The following PCGF3 variants were observed in gnomAD, a reference collection of about 807,000 sequenced individuals.
PCGF3 encodes the protein polycomb group ring finger 3.
A neutral mutation model predicts 33.1 loss-of-function variants in PCGF3; 7 were observed. That is an observed-to-expected ratio of 0.21 (90% CI 0.12 to 0.40). The LOEUF (loss-of-function observed/expected upper bound fraction) is 0.40, where lower values mean the gene tolerates loss of function less well. Among genes scored for constraint, PCGF3 ranks in the 10% least tolerant of loss-of-function variants. The pLI is 1.00. For synonymous variants in PCGF3, 153 were observed against 121.3 expected (o/e 1.26, Z -1.72); for missense variants, 211 against 313.3 (o/e 0.67, Z 2.46).
intron 1 of PCGF3, among the ~76,000 whole-genome samples, chr4:718,394 C>T (rs1331969631): frequency 6.6e-6 from 1 of 152,146 alleles, no homozygotes; most frequent in African/African-American, 2.4e-5. Context: ...CTGAGCTACA[C>T]TCTGAGGCTG....
At position 751,354 on chromosome 4, in the gene PCGF3, G is replaced by C. The variant is rs190217592; in HGVS notation, c.462+6666G>C. 9.6e-4 allele frequency among the ~76,000 whole-genome samples: 146 copies of C among 152,164 alleles called. 1 individual carries two copies. The highest frequency in any genetic ancestry group is 1.9e-3 in the Admixed American group (29 of 15,284). On this transcript the variant is annotated intron_variant, in intron 8 of 10. Transcript: ENST00000362003. Reference sequence around the variant, plus strand: ...CTTCATCTTACTGAAGTTTTGATGCGACGTTATAGTTATTTAGGCTTAACG... The same window carrying C: ...CTTCATCTTACTGAAGTTTTGATGCCACGTTATAGTTATTTAGGCTTAACG...
At chr4:712,806 C>CT (rs1457295519) in intron 1 of PCGF3, among the ~76,000 whole-genome samples, 3 of 152,186 alleles carry the variant, frequency 2.0e-5, no homozygotes, top group Non-Finnish European at 4.4e-5. Context: ...TTTCTTTTTT[C>CT]TTTTTTTCAA....
At chr4:707,606 C>T in intron 1 of PCGF3, among the ~76,000 whole-genome samples, 1 of 112,064 alleles carries the variant, frequency 8.9e-6, no homozygotes, top group African/African-American at 3.1e-5. Context: ...GACTCTGGGA[C>T]AGCTCTGTTT....
intron 9 of PCGF3, among the ~76,000 whole-genome samples, chr4:763,529 C>T (rs1745187143): frequency 6.6e-6 from 1 of 152,348 alleles, no homozygotes; most frequent in South Asian, 2.1e-4. Flanking sequence ...AACTGCGTGG[C>T]ACCACGCGTA....
intron 4 of PCGF3, 97 bp downstream of exon 4, chr4:733,886 C>G (rs762942718): frequency 1.6e-5 from 25 of 1,596,892 alleles, no homozygotes; most frequent in Non-Finnish European, 2.0e-5. Flanking sequence ...GCTTTTAGCT[C>G]AAGCCCGACA....
At chr4:760,682 G>A (rs1436781724) in intron 8 of PCGF3, among the ~76,000 whole-genome samples, 1 of 152,238 alleles carries the variant, frequency 6.6e-6, no homozygotes, top group African/African-American at 2.4e-5. Flanking sequence ...GCACATCTTG[G>A]GGGCCAAGCC....
intron 8 of PCGF3, among the ~76,000 whole-genome samples, chr4:756,286 C>T (rs1417821256): frequency 6.6e-6 from 1 of 151,480 alleles, no homozygotes; most frequent in Non-Finnish European, 1.5e-5. Context: ...AATCTCGGCT[C>T]ACTGCAACCT....
chr4:707,718 T>C (rs28589679), intron 1 of PCGF3, among the ~76,000 whole-genome samples: 39 of 87,006 alleles, frequency 4.5e-4, no homozygotes, highest in African/African-American at 6.5e-4. Context: ...CTGAGACAGC[T>C]CTGTTTTCAC....
intron 8 of PCGF3, among the ~76,000 whole-genome samples, chr4:758,408 G>T (rs1446483982): frequency 2.5e-4 from 33 of 133,458 alleles, no homozygotes; most frequent in East Asian, 1.2e-3. Context: ...CGGACTCCGG[G>T]TCTTTCTCCC....
rs1320381690 is a variant in PCGF3, at chr4:737,460, T to G, written c.207-6T>G. On this transcript the variant is annotated splice_region_variant and splice_polypyrimidine_tract_variant and intron_variant, in intron 5 of 10. Transcript: ENST00000362003. ...AGCTAACTCCACCTTTCTGTTCTTT[T>G]GCCAGTCATGACAGAACCATGCAAG... 1.3e-6 allele frequency: 2 copies of G among 1,599,124 alleles called. No individual in the cohort carries two copies. The highest frequency in any genetic ancestry group is 1.3e-5 in the African/African-American group (1 of 74,764).
At chr4:766,186 A>G in exon 11 of PCGF3, 1 of 818,142 alleles carries the variant, frequency 1.2e-6, no homozygotes, top group Non-Finnish European at 2.0e-6. Flanking sequence ...AGACTTCTGA[A>G]TAGAGAATAT....
At chr4:749,228 G>A (rs957273402) in intron 8 of PCGF3, among the ~76,000 whole-genome samples, 7 of 152,074 alleles carry the variant, frequency 4.6e-5, no homozygotes, top group African/African-American at 1.7e-4. Context: ...GCAATGGCAC[G>A]ATCTCGGCTC....
At chr4:762,008 G>C in intron 9 of PCGF3, 2 of 985,408 alleles carry the variant, frequency 2.0e-6, no homozygotes, top group African/African-American at 1.7e-5. Flanking sequence ...GGACGCAGGA[G>C]AGGCCAGCGC....
chr4:761,757 A>C (rs1745071802), intron 9 of PCGF3: 1 of 985,280 alleles, frequency 1.0e-6, no homozygotes, highest in Non-Finnish European at 1.2e-6. Flanking sequence ...GCAGAGAGGG[A>C]GGACCCTTCC....
At chr4:718,335 C>T (rs1742942954) in intron 1 of PCGF3, among the ~76,000 whole-genome samples, 2 of 152,060 alleles carry the variant, frequency 1.3e-5, no homozygotes, top group Admixed American at 6.5e-5. Context: ...CCTGCCTGGG[C>T]CTCCTGGACA....
intron 10 of PCGF3, among the ~76,000 whole-genome samples, chr4:765,481 A>G (rs1453666386): frequency 1.3e-5 from 2 of 152,054 alleles, no homozygotes; most frequent in Non-Finnish European, 2.9e-5. Context: ...GTTGTGAAAC[A>G]CAGTTCTGGT....
intron 10 of PCGF3, among the ~76,000 whole-genome samples, 170 bp from the exon 11 acceptor site, chr4:765,862 A>G (rs979050479): frequency 6.6e-6 from 1 of 152,148 alleles, no homozygotes; most frequent in Non-Finnish European, 1.5e-5. Context: ...GTCTTCCCCC[A>G]GCAACTTCTG....
At chr4:762,040 A>C (rs1435402249) in intron 9 of PCGF3, 1 of 985,176 alleles carries the variant, frequency 1.0e-6, no homozygotes, top group East Asian at 1.1e-4. Flanking sequence ...GGAGAGGCGG[A>C]CTGTGGTGGG....
intron 5 of PCGF3, among the ~76,000 whole-genome samples, chr4:736,894 T>G: frequency 2.0e-5 from 1 of 49,478 alleles, no homozygotes. Flanking sequence ...CTGGGGTGTC[T>G]GCAGGGACGG....
Sources: gnomAD v4.1 joint callset for allele counts (sites outside exome capture counted in the v4.1 genomes callset) on GRCh38, gnomAD v4.1.1 for gene constraint, MANE v1.5 for transcripts, NCBI Gene and HGNC (gene_info 2026-07-23, HGNC 2026-07-21) for gene names.